FBXW7: variants seen among roughly 807,000 people sequenced by gnomAD.
FBXW7 encodes F-box and WD repeat domain containing 7.
FBXW7 carries 11 observed loss-of-function variants against 86.3 expected under a neutral mutation model. The ratio of observed to expected loss-of-function variants is 0.13; its 90% CI spans 0.08 to 0.21. FBXW7 has a LOEUF of 0.21. Ranked by LOEUF, FBXW7 falls within the 10% of genes least tolerant of loss-of-function variation. FBXW7 has a pLI of 1.00. For synonymous variants in FBXW7, 313 were observed against 297.9 expected (o/e 1.05, Z -0.52); for missense variants, 488 against 847.4 (o/e 0.58, Z 5.27).
rs1201131599 is a variant in FBXW7 at position 152,532,223 on chromosome 4, C to T, written c.-120+2718G>A. 2.6e-5 allele frequency among the ~76,000 whole-genome samples: 4 copies of T among 152,316 alleles called. No individual in the cohort carries two copies. The East Asian group carries it at 7.7e-4, about 29-fold the overall frequency. On this transcript the variant is annotated intron_variant, in intron 2 of 13. Coordinates refer to ENST00000281708, the MANE Select transcript of FBXW7 (RefSeq NM_001349798.2). ...TCACATCCAAAGCAAAGTCTACTGT[C>T]CCATTTCTAAACTCTTTTTTGTAAG... is the stretch of plus-strand genomic sequence containing the variant.
intron 7 of FBXW7, 66 bp downstream of exon 7, chr4:152,337,736 A>G: frequency 6.8e-7 from 1 of 1,471,588 alleles, no homozygotes; most frequent in Non-Finnish European, 9.2e-7. Flanking sequence ...CAATGTTTAA[A>G]GGTGGTAGCT....
At chr4:152,424,806 A>G (rs1202120631) in intron 2 of FBXW7, among the ~76,000 whole-genome samples, 1 of 152,260 alleles carries the variant, frequency 6.6e-6, no homozygotes, top group Non-Finnish European at 1.5e-5. Flanking sequence ...TTAGGCAAAT[A>G]AAGTGACACT....
chr4:152,335,083 G>A (rs988185538), intron 7 of FBXW7, among the ~76,000 whole-genome samples: 1 of 152,152 alleles, frequency 6.6e-6, no homozygotes, highest in Non-Finnish European at 1.5e-5. Flanking sequence ...TTATGAGGAG[G>A]AAGTATACCA....
intron 4 of FBXW7, among the ~76,000 whole-genome samples, chr4:152,367,940 G>GT (rs1211794984): frequency 1.3e-5 from 2 of 151,630 alleles, no homozygotes; most frequent in Admixed American, 1.3e-4. Flanking sequence ...AAACTGGTAA[G>GT]TTTTTTTTGG....
intron 4 of FBXW7, among the ~76,000 whole-genome samples, chr4:152,361,376 T>C (rs1482261543): frequency 1.3e-5 from 2 of 151,970 alleles, no homozygotes; most frequent in Non-Finnish European, 2.9e-5. Flanking sequence ...CATTATTTGC[T>C]TTAAAAAAAA....
chr4:152,378,092 G>A (rs533987100), intron 4 of FBXW7, among the ~76,000 whole-genome samples: 5 of 152,216 alleles, frequency 3.3e-5, no homozygotes, highest in African/African-American at 1.2e-4. Flanking sequence ...GTGCAACAGA[G>A]GCCAACTACA....
At position 152,328,120 on chromosome 4, in the gene FBXW7, T is replaced by A; in HGVS notation, c.1418+88A>T. ...TTAAATCTAATTTAAGAGCACACTG[T>A]CACTATTTCAGTAACTCTACACAGA... On this transcript the variant is annotated intron_variant, in intron 11 of 13. Coordinates refer to ENST00000281708, the MANE Select transcript of FBXW7 (RefSeq NM_001349798.2). 3 of 1,009,164 alleles carry A rather than the reference T, an allele frequency of 3.0e-6. No homozygotes were observed. In the South Asian group the frequency reaches 4.8e-5, roughly 16 times the overall value. 62.5% of individuals were successfully genotyped at this position (1,009,164 alleles called of 1,614,324 possible).
intron 2 of FBXW7, among the ~76,000 whole-genome samples, chr4:152,492,616 A>G (rs1745968106): frequency 6.6e-6 from 1 of 152,172 alleles, no homozygotes; most frequent in South Asian, 2.1e-4. Context: ...TTTCCCTAAT[A>G]ACTAATGTTT....
At chr4:152,530,608 TGTACA>T (rs1184749518) in intron 2 of FBXW7, 1 of 152,236 alleles carries the variant, frequency 6.6e-6, no homozygotes, top group Non-Finnish European at 1.5e-5. Flanking sequence ...AAAAGTATTT[TGTACA>T]GTAGAGTATG....
chr4:152,356,705 G>A (rs1299737481), intron 4 of FBXW7, among the ~76,000 whole-genome samples: 1 of 152,084 alleles, frequency 6.6e-6, no homozygotes, highest in African/African-American at 2.4e-5. Context: ...TAACTTTCTG[G>A]GATGTGAGTG....
At chr4:152,464,188 T>C (rs933434300) in intron 2 of FBXW7, among the ~76,000 whole-genome samples, 7 of 151,480 alleles carry the variant, frequency 4.6e-5, no homozygotes, top group Admixed American at 4.6e-4. Flanking sequence ...CAGAAAGTAA[T>C]TGAGTAAGAG....
At chr4:152,492,016 A>G (rs771677385) in intron 2 of FBXW7, among the ~76,000 whole-genome samples, 53 of 152,324 alleles carry the variant, frequency 3.5e-4, no homozygotes, top group South Asian at 4.1e-4. Context: ...CACTTCAAGA[A>G]GGCCCCTTAT....
chr4:152,344,002 G>C (rs539063904), intron 6 of FBXW7, among the ~76,000 whole-genome samples: 1 of 152,198 alleles, frequency 6.6e-6, no homozygotes, highest in South Asian at 2.1e-4. Context: ...CACTGCCTTA[G>C]GAGCAATAGC....
At chr4:152,349,915 T>A in intron 5 of FBXW7, 127 bp downstream of exon 5, 1 of 432,302 alleles carries the variant, frequency 2.3e-6, no homozygotes, top group East Asian at 3.6e-5. Flanking sequence ...TTTCCGGTAA[T>A]CTCAAAATGT....
intron 2 of FBXW7, among the ~76,000 whole-genome samples, chr4:152,433,857 A>T (rs967090378): frequency 6.6e-6 from 1 of 152,226 alleles, no homozygotes; most frequent in African/African-American, 2.4e-5. Context: ...ATTTTCTAGG[A>T]AATGGAAAAA....
chr4:152,484,604 T>C (rs1038374237), intron 2 of FBXW7, among the ~76,000 whole-genome samples: 13 of 152,196 alleles, frequency 8.5e-5, no homozygotes, highest in African/African-American at 2.7e-4. Context: ...TCCACTCACA[T>C]GGTAATTTTT....
chr4:152,479,650 T>A (rs1744708593), intron 2 of FBXW7, among the ~76,000 whole-genome samples: 1 of 152,156 alleles, frequency 6.6e-6, no homozygotes, highest in South Asian at 2.1e-4. Flanking sequence ...CCTGACTGGA[T>A]TGTAGATAAA....
intron 6 of FBXW7, among the ~76,000 whole-genome samples, chr4:152,338,948 C>G (rs986998044): frequency 1.3e-5 from 2 of 151,956 alleles, no homozygotes; most frequent in Non-Finnish European, 2.9e-5. Context: ...ATTTCTTGTC[C>G]AAACAAGAAA....
At chr4:152,372,190 A>C (rs1734061680) in intron 4 of FBXW7, among the ~76,000 whole-genome samples, 1 of 151,994 alleles carries the variant, frequency 6.6e-6, no homozygotes, top group South Asian at 2.1e-4. Flanking sequence ...TAGGTTAATA[A>C]ACTTTAGGTA....
Sources: gnomAD v4.1 joint callset for allele counts (sites outside exome capture counted in the v4.1 genomes callset) on GRCh38, gnomAD v4.1.1 for gene constraint, MANE v1.5 for transcripts, NCBI Gene and HGNC (gene_info 2026-07-23, HGNC 2026-07-21) for gene names.